The following BPNT1 variants were observed in gnomAD, a reference collection of about 807,000 sequenced individuals.
BPNT1 encodes 3'(2'),5'-bisphosphate nucleotidase 1.
BPNT1 carries 28 observed loss-of-function variants against 36.9 expected under a neutral mutation model. The ratio of observed to expected loss-of-function variants is 0.76; its 90% CI spans 0.56 to 1.04. BPNT1 has a LOEUF of 1.04. BPNT1 is among the 50% of genes least tolerant of loss of function. The probability of loss-of-function intolerance (pLI) is 0.00; values close to 1 mark genes in which losing one functional copy is unlikely to be tolerated. For synonymous variants in BPNT1, 119 were observed against 130.9 expected (o/e 0.91, Z 0.62); for missense variants, 313 against 372.9 (o/e 0.84, Z 1.32).
chr1:220,068,406 A>G (rs1362138468), intron 5 of BPNT1, among the ~76,000 whole-genome samples: 3 of 151,200 alleles, frequency 2.0e-5, no homozygotes, highest in African/African-American at 7.3e-5. Flanking sequence ...CTGGTCTTGA[A>G]CTTCCGACCT....
chr1:220,080,300 G>A (rs1345701666), intron 1 of BPNT1, among the ~76,000 whole-genome samples: 3 of 152,166 alleles, frequency 2.0e-5, no homozygotes, highest in Non-Finnish European at 4.4e-5. Flanking sequence ...GCCAAAAGAG[G>A]TATGAATAGT....
At chr1:220,073,349 C>T (rs1458781699) in intron 3 of BPNT1, among the ~76,000 whole-genome samples, 2 of 151,496 alleles carry the variant, frequency 1.3e-5, no homozygotes, top group East Asian at 3.9e-4. Flanking sequence ...AGTGCAGGGA[C>T]ACCATCTCAG....
chr1:220,062,196 G>A (rs1052255573), intron 7 of BPNT1, among the ~76,000 whole-genome samples: 2 of 151,380 alleles, frequency 1.3e-5, no homozygotes, highest in Admixed American at 1.3e-4. Flanking sequence ...ACAATGTGCA[G>A]GTTAGTTACA....
Position 220,058,657 on chromosome 1 carries a change from A to C in BPNT1, c.*187T>G. 1 of 768,274 alleles carries C rather than the reference A, an allele frequency of 1.3e-6. No individual in the cohort carries two copies. The highest frequency in any genetic ancestry group is 1.9e-6 in the Non-Finnish European group (1 of 529,860). The allele number at this position is 768,274 out of a possible 1,614,324, so 47.6% of individuals were successfully genotyped here. On this transcript the variant is annotated 3_prime_UTR_variant, in exon 9 of 9. Transcript: ENST00000322067. ...AGAGATTCTTCTGCTTCAGCCTCTC[A>C]AGTAGCTGGGATGACAGGCGCATGA...
chr1:220,059,617 G>A, intron 8 of BPNT1, 69 bp downstream of exon 8: 1 of 1,128,362 alleles, frequency 8.9e-7, no homozygotes, highest in South Asian at 1.5e-5. Context: ...TAATATTACT[G>A]AGATATTATG....
chr1:220,061,550 C>A (rs868383186), intron 7 of BPNT1, among the ~76,000 whole-genome samples: 5,148 of 135,750 alleles, frequency 0.038, 289 homozygotes, highest in African/African-American at 0.12. Flanking sequence ...AAAAAAAAAA[C>A]AAAAAACTAT....
chr1:220,070,091 C>T (rs1361646040), intron 4 of BPNT1, among the ~76,000 whole-genome samples: 4 of 152,028 alleles, frequency 2.6e-5, no homozygotes, highest in Non-Finnish European at 5.9e-5. Flanking sequence ...TTTGAACAAG[C>T]ACAGTTGCTA....
At chr1:220,060,997 G>C (rs551163622) in intron 7 of BPNT1, among the ~76,000 whole-genome samples, 29 of 152,310 alleles carry the variant, frequency 1.9e-4, no homozygotes, top group African/African-American at 6.0e-4. Flanking sequence ...TTAAGATAAA[G>C]ATTGTTGAGA....
Position 220,058,519 on chromosome 1 carries a change from A to C in BPNT1, c.*325T>G. 1 of 996,938 alleles carries C rather than the reference A, an allele frequency of 1.0e-6. No individual in the cohort carries two copies. Among genetic ancestry groups the C allele is most frequent in the Non-Finnish European group, 1.2e-6 (1 of 833,946 alleles). 61.8% of individuals were successfully genotyped at this position (996,938 alleles called of 1,614,324 possible). A position where few individuals can be genotyped will look rare whatever the true frequency, so the allele number is the denominator to read the frequency against. On this transcript the variant is annotated 3_prime_UTR_variant, in exon 9 of 9. Transcript: ENST00000322067. ...TAGCTAAGTAAATGAAACTTTAAGT[A>C]CTTTTTGGGTTTTTGTTTTTTTTTT...
rs1431505736 is a variant in BPNT1, at chr1:220,058,419, A to G, written c.*425T>C. The stretch of plus-strand genomic sequence containing the variant: ...AACTAAATATAAATCACTGCTCAAC[A>G]ATGAATAAAGGTGGAACTCTAATTC... On this transcript the variant is annotated 3_prime_UTR_variant, in exon 9 of 9. Transcript: ENST00000322067. The G allele has an allele frequency of 2.1e-6, 2 of 965,488 alleles. No individual in the cohort carries two copies. The highest frequency in any genetic ancestry group is 2.5e-6 in the Non-Finnish European group (2 of 810,402). 59.8% of individuals were successfully genotyped at this position (965,488 alleles called of 1,614,324 possible).
chr1:220,071,135 C>T (rs1053308217), intron 4 of BPNT1, among the ~76,000 whole-genome samples: 13 of 151,954 alleles, frequency 8.6e-5, no homozygotes, highest in Non-Finnish European at 1.3e-4. Flanking sequence ...GCTGAGATTA[C>T]AGGCGTGAGC....
chr1:220,087,419 G>C (rs1000176619), intron 1 of BPNT1, among the ~76,000 whole-genome samples: 1 of 151,898 alleles, frequency 6.6e-6, no homozygotes, highest in South Asian at 2.1e-4. Flanking sequence ...GCCGGGCTTG[G>C]TGGCACGCGC....
chr1:220,067,573 G>T (rs745519155), intron 5 of BPNT1, among the ~76,000 whole-genome samples, 180 bp from the exon 6 acceptor site: 5 of 152,140 alleles, frequency 3.3e-5, no homozygotes, highest in Non-Finnish European at 5.9e-5. Context: ...ACAGCCATAG[G>T]ATCTATGGCC....
chr1:220,085,414 C>A (rs993955541), intron 1 of BPNT1, among the ~76,000 whole-genome samples: 9 of 152,208 alleles, frequency 5.9e-5, no homozygotes, highest in African/African-American at 2.2e-4. Flanking sequence ...CAAATCCTGG[C>A]TCAGCTGTGG....
intron 7 of BPNT1, 100 bp downstream of exon 7, chr1:220,062,657 C>G (rs1663157908): frequency 7.9e-7 from 1 of 1,272,198 alleles, no homozygotes; most frequent in Non-Finnish European, 1.1e-6. Context: ...GGGTATATAC[C>G]CAGTAATGGG....
At chr1:220,080,477 C>T (rs1054455391) in intron 1 of BPNT1, among the ~76,000 whole-genome samples, 1 of 152,170 alleles carries the variant, frequency 6.6e-6, no homozygotes, top group African/African-American at 2.4e-5. Flanking sequence ...GTTGAATTGA[C>T]TCACAGTTCA....
intron 4 of BPNT1, 80 bp from the exon 5 acceptor site, chr1:220,069,512 ACT>A: frequency 1.8e-6 from 2 of 1,094,554 alleles, no homozygotes; most frequent in South Asian, 1.6e-5. Context: ...GATTAAAATT[ACT>A]CTTTTTTTCC....
At chr1:220,084,320 G>A (rs571503073) in intron 1 of BPNT1, among the ~76,000 whole-genome samples, 20 of 151,354 alleles carry the variant, frequency 1.3e-4, no homozygotes, top group Admixed American at 5.9e-4. Context: ...GCAACATAGC[G>A]AGGCTCTGTC....
intron 4 of BPNT1, among the ~76,000 whole-genome samples, chr1:220,071,688 T>C (rs992654360): frequency 1.3e-5 from 2 of 152,158 alleles, no homozygotes; most frequent in African/African-American, 4.8e-5. Context: ...CTATTTCTTT[T>C]CTTTTTTCTT....
Sources: gnomAD v4.1 joint callset for allele counts (sites outside exome capture counted in the v4.1 genomes callset) on GRCh38, gnomAD v4.1.1 for gene constraint, MANE v1.5 for transcripts, NCBI Gene and HGNC (gene_info 2026-07-23, HGNC 2026-07-21) for gene names.